Variants in ZBTB20 observed in about 807,000 individuals in gnomAD.
ZBTB20 encodes the protein zinc finger and BTB domain containing 20.
Under a neutral mutation model 56.9 loss-of-function variants are expected in ZBTB20, and 9 were observed. That is an observed-to-expected ratio of 0.16 (90% CI 0.10 to 0.28). ZBTB20 has a LOEUF of 0.28. Ranked by LOEUF, ZBTB20 falls within the 10% of genes least tolerant of loss-of-function variation. The pLI is 1.00. For missense variants in ZBTB20, 655 were observed against 1,003.0 expected, an observed-to-expected ratio of 0.65 and a Z score of 4.69; for synonymous variants, 417 against 420.7, an observed-to-expected ratio of 0.99 and a Z score of 0.11.
intron 6 of ZBTB20, among the ~76,000 whole-genome samples, chr3:114,621,629 C>T (rs920005816): frequency 1.3e-5 from 2 of 151,978 alleles, no homozygotes; most frequent in Non-Finnish European, 2.9e-5. Context: ...TGTATATCTG[C>T]GACTGCCTAA....
chr3:114,549,998 C>T (rs544874136), intron 6 of ZBTB20, among the ~76,000 whole-genome samples: 4 of 152,012 alleles, frequency 2.6e-5, no homozygotes, highest in Admixed American at 2.0e-4. Flanking sequence ...AGTGCAGTGG[C>T]GCGATCTCAG....
intron 4 of ZBTB20, among the ~76,000 whole-genome samples, chr3:114,897,810 T>C (rs909401524): frequency 1.2e-4 from 18 of 152,126 alleles, no homozygotes; most frequent in Admixed American, 1.1e-3. Flanking sequence ...ACATGTGTCA[T>C]AAACCAGTGG....
chr3:114,570,835 C>T (rs1451593996), intron 6 of ZBTB20, among the ~76,000 whole-genome samples: 2 of 151,964 alleles, frequency 1.3e-5, no homozygotes, highest in African/African-American at 2.4e-5. Context: ...TAAATTTGGG[C>T]TCTCAATCAA....
At chr3:115,041,923 T>C (rs2081160232) in intron 2 of ZBTB20, among the ~76,000 whole-genome samples, 1 of 152,166 alleles carries the variant, frequency 6.6e-6, no homozygotes, top group Admixed American at 6.5e-5. Context: ...CCTGCCTGAA[T>C]TATGAGAATA....
At chr3:114,795,610 A>C (rs1377355443) in intron 5 of ZBTB20, among the ~76,000 whole-genome samples, 3 of 152,072 alleles carry the variant, frequency 2.0e-5, no homozygotes, top group Non-Finnish European at 4.4e-5. Context: ...CAATGTTCAA[A>C]TCAAAGGACA....
intron 5 of ZBTB20, among the ~76,000 whole-genome samples, chr3:114,697,307 A>G (rs1357125842): frequency 1.3e-5 from 2 of 152,036 alleles, no homozygotes; most frequent in African/African-American, 4.8e-5. Context: ...TTCACAAAAT[A>G]AGTAAAAACG....
At chr3:114,590,746 T>C (rs1380434066) in intron 6 of ZBTB20, among the ~76,000 whole-genome samples, 1 of 152,110 alleles carries the variant, frequency 6.6e-6, no homozygotes, top group Admixed American at 6.6e-5. Context: ...TCTGAGTAAC[T>C]GTGGCTTTAA....
intron 6 of ZBTB20, among the ~76,000 whole-genome samples, chr3:114,643,620 A>G (rs1158403439): frequency 6.6e-6 from 1 of 152,136 alleles, no homozygotes; most frequent in Non-Finnish European, 1.5e-5. Flanking sequence ...TTTCCTGCAC[A>G]GTTTGATTGG....
intron 6 of ZBTB20, among the ~76,000 whole-genome samples, chr3:114,533,894 C>T (rs1357494590): frequency 6.6e-6 from 1 of 152,116 alleles, no homozygotes; most frequent in African/African-American, 2.4e-5. Context: ...AACTAAGCTT[C>T]AAAAGCAAAG....
Position 114,322,286 on chromosome 3 carries a change from A to G in ZBTB20, c.*16719T>C, listed in dbSNP as rs2078922121. Reference sequence around the variant, plus strand: ...TTTACAGTGTCAAGTAGTGTTGTTTATTTTTTTCTATTTTTTAAACCTCTG... The same window carrying G: ...TTTACAGTGTCAAGTAGTGTTGTTTGTTTTTTTCTATTTTTTAAACCTCTG... On this transcript the variant is annotated 3_prime_UTR_variant, in exon 12 of 12. Coordinates refer to ENST00000675478, the MANE Select transcript of ZBTB20 (RefSeq NM_001348800.3). 1 of 152,054 alleles carries G rather than the reference A, an allele frequency of 6.6e-6. No individual in the cohort carries two copies. Among genetic ancestry groups the G allele is most frequent in the Non-Finnish European group, 1.5e-5 (1 of 68,012 alleles). 9.4% of individuals were successfully genotyped at this position (152,054 alleles called of 1,614,324 possible). A position where few individuals can be genotyped will look rare whatever the true frequency, so the allele number is the denominator to read the frequency against.
intron 6 of ZBTB20, among the ~76,000 whole-genome samples, chr3:114,567,593 T>C (rs1364576873): frequency 1.3e-5 from 2 of 152,152 alleles, no homozygotes; most frequent in African/African-American, 2.4e-5. Context: ...TATCCTGGCA[T>C]AATAGCTGAT....
At chr3:115,061,353 C>A in intron 2 of ZBTB20, among the ~76,000 whole-genome samples, 1 of 152,112 alleles carries the variant, frequency 6.6e-6, no homozygotes, top group East Asian at 1.9e-4. Context: ...TGAATACATA[C>A]ATTGTGATAC....
At chr3:115,043,607 A>C (rs1254957272) in intron 2 of ZBTB20, among the ~76,000 whole-genome samples, 1 of 147,846 alleles carries the variant, frequency 6.8e-6, no homozygotes, top group Non-Finnish European at 1.5e-5. Context: ...AAAATAAAAT[A>C]AAATAAAATA....
chr3:115,127,720 A>T (rs1028853014), intron 1 of ZBTB20, among the ~76,000 whole-genome samples: 3 of 152,212 alleles, frequency 2.0e-5, no homozygotes, highest in African/African-American at 7.2e-5. Context: ...AAATCAAATA[A>T]ACTCAACTGA....
intron 4 of ZBTB20, among the ~76,000 whole-genome samples, chr3:114,808,741 T>C (rs907515514): frequency 6.6e-6 from 1 of 152,090 alleles, no homozygotes; most frequent in Non-Finnish European, 1.5e-5. Flanking sequence ...TTTATGTTTA[T>C]ATCATGTCTA....
At chr3:114,837,829 C>A (rs2074195016) in intron 4 of ZBTB20, among the ~76,000 whole-genome samples, 2 of 150,804 alleles carry the variant, frequency 1.3e-5, no homozygotes, top group Admixed American at 6.6e-5. Context: ...GTGGGGCCAT[C>A]TTAGAAGCTG....
chr3:114,637,193 A>G (rs988284279), intron 6 of ZBTB20, among the ~76,000 whole-genome samples: 2 of 152,198 alleles, frequency 1.3e-5, no homozygotes, highest in Middle Eastern at 3.4e-3. Context: ...ACTGGAGTAG[A>G]ACAAAAACTG....
intron 6 of ZBTB20, among the ~76,000 whole-genome samples, chr3:114,611,532 T>A (rs1431374078): frequency 6.6e-6 from 1 of 152,054 alleles, no homozygotes; most frequent in Non-Finnish European, 1.5e-5. Context: ...ACTTACCCCA[T>A]AAGGAGCAAC....
At chr3:114,840,332 A>G (rs2074329463) in intron 4 of ZBTB20, among the ~76,000 whole-genome samples, 1 of 152,232 alleles carries the variant, frequency 6.6e-6, no homozygotes, top group Admixed American at 6.5e-5. Flanking sequence ...TTGAAAATCA[A>G]CATACATTTT....
Sources: allele counts gnomAD v4.1 joint callset (sites outside exome capture counted in the v4.1 genomes callset), GRCh38; gene constraint gnomAD v4.1.1; transcripts MANE v1.5; gene names NCBI Gene and HGNC (gene_info 2026-07-23, HGNC 2026-07-21).